The following PRKAR1B variants were observed in gnomAD, a reference collection of about 807,000 sequenced individuals.
PRKAR1B encodes the protein protein kinase cAMP-dependent type I regulatory subunit beta, also known as cAMP-dependent protein kinase type I-beta regulatory subunit.
In PRKAR1B, 22 loss-of-function variants were observed where a neutral mutation model predicts 46.5. That is an observed-to-expected ratio of 0.47 (90% CI 0.34 to 0.68). The LOEUF (loss-of-function observed/expected upper bound fraction) is 0.68, where lower values mean the gene tolerates loss of function less well. Among genes scored for constraint, PRKAR1B ranks in the 30% least tolerant of loss-of-function variants. PRKAR1B has a pLI of 0.01. For synonymous variants in PRKAR1B, 259 were observed against 217.7 expected (o/e 1.19, Z -1.67); for missense variants, 445 against 535.6 (o/e 0.83, Z 1.67).
chr7:552,516 G>C (rs1414950386), intron 9 of PRKAR1B, among the ~76,000 whole-genome samples: 1 of 150,658 alleles, frequency 6.6e-6, no homozygotes. Flanking sequence ...TCCTTCTCCA[G>C]AGCCACTGCC....
intron 7 of PRKAR1B, among the ~76,000 whole-genome samples, chr7:586,743 G>C (rs1034553233): frequency 6.6e-6 from 1 of 152,190 alleles, no homozygotes; most frequent in African/African-American, 2.4e-5. Flanking sequence ...GTAAGGATAG[G>C]CTAGGAAACC....
intron 4 of PRKAR1B, among the ~76,000 whole-genome samples, chr7:609,432 C>G (rs1276666639): frequency 6.6e-6 from 1 of 152,188 alleles, no homozygotes; most frequent in African/African-American, 2.4e-5. Context: ...GCCTCCACCA[C>G]TCTCTCCTGG....
chr7:583,445 ACT>A (rs1491229035), intron 8 of PRKAR1B, among the ~76,000 whole-genome samples: 2,307 of 60,400 alleles, frequency 0.038, 96 homozygotes, highest in African/African-American at 0.11. Context: ...CACAGTGCAC[ACT>A]CACACCCACT....
At chr7:574,042 G>A (rs1443804531) in intron 9 of PRKAR1B, among the ~76,000 whole-genome samples, 4 of 152,226 alleles carry the variant, frequency 2.6e-5, no homozygotes, top group Non-Finnish European at 4.4e-5. Flanking sequence ...CTGTTCAGGG[G>A]TGAGAACACC....
chr7:672,693 C>T (rs899127203), intron 4 of PRKAR1B, among the ~76,000 whole-genome samples: 12 of 151,628 alleles, frequency 7.9e-5, no homozygotes, highest in South Asian at 2.1e-4. Context: ...CATGGTGAAA[C>T]CCCATCTCTA....
chr7:709,043 G>A (rs1780476224), intron 2 of PRKAR1B, among the ~76,000 whole-genome samples: 1 of 138,696 alleles, frequency 7.2e-6, no homozygotes, highest in African/African-American at 2.7e-5. Context: ...CACCTGCCTC[G>A]GCCTCCTAAA....
At chr7:636,011 C>G (rs1583334600) in intron 4 of PRKAR1B, among the ~76,000 whole-genome samples, 1 of 77,222 alleles carries the variant, frequency 1.3e-5, no homozygotes. Context: ...CGGCCGCGCC[C>G]TCACGTCCTC....
At chr7:715,982 T>C (rs1780867655) in intron 1 of PRKAR1B, among the ~76,000 whole-genome samples, 1 of 152,134 alleles carries the variant, frequency 6.6e-6, no homozygotes, top group African/African-American at 2.4e-5. Context: ...CCCAAAGTGC[T>C]GGGATTACAG....
intron 8 of PRKAR1B, among the ~76,000 whole-genome samples, chr7:583,459 A>T (rs9770463): frequency 0.054 from 3,216 of 59,192 alleles, 147 homozygotes; most frequent in African/African-American, 0.11. Flanking sequence ...ACACCCACTC[A>T]CACACGTGCA....
intron 8 of PRKAR1B, among the ~76,000 whole-genome samples, chr7:583,145 C>A (rs1030060791): frequency 6.6e-6 from 1 of 152,170 alleles, no homozygotes; most frequent in Admixed American, 6.5e-5. Flanking sequence ...GTGCCGACAA[C>A]GTCGTGTGTA....
At chr7:724,195 A>G (rs557215701) in intron 1 of PRKAR1B, among the ~76,000 whole-genome samples, 2 of 151,920 alleles carry the variant, frequency 1.3e-5, no homozygotes, top group African/African-American at 4.8e-5. Flanking sequence ...TCTCTCTCCA[A>G]CACTCCCCGT....
intron 9 of PRKAR1B, among the ~76,000 whole-genome samples, chr7:574,087 G>A (rs1214301441): frequency 6.6e-6 from 1 of 152,202 alleles, no homozygotes; most frequent in East Asian, 1.9e-4. Flanking sequence ...CTGTGAAGAC[G>A]CACCCACGAT....
At chr7:555,262 G>A (rs954465796) in intron 9 of PRKAR1B, among the ~76,000 whole-genome samples, 1 of 152,200 alleles carries the variant, frequency 6.6e-6, no homozygotes, top group Non-Finnish European at 1.5e-5. Flanking sequence ...AAGCGGCAGG[G>A]ATGGGTCCGG....
intron 9 of PRKAR1B, chr7:565,633 T>C (rs998576839): frequency 2.0e-5 from 3 of 152,256 alleles, no homozygotes; most frequent in Non-Finnish European, 4.4e-5. Flanking sequence ...ATTTTTATCT[T>C]GCCTGAATTG....
chr7:653,816 A>C (rs1785037727), intron 4 of PRKAR1B, among the ~76,000 whole-genome samples: 1 of 152,122 alleles, frequency 6.6e-6, no homozygotes, highest in South Asian at 2.1e-4. Flanking sequence ...AGTGCTCATC[A>C]CCCTTATTAC....
At position 636,595 on chromosome 7, in the gene PRKAR1B, C is replaced by T. The variant is rs547766275; in HGVS notation, c.441-29143G>A. 1.9e-4 allele frequency among the ~76,000 whole-genome samples: 29 copies of T among 152,362 alleles called. 1 individual carries two copies. In the South Asian group the frequency reaches 4.6e-3, roughly 24 times the overall value. On this transcript the variant is annotated intron_variant, in intron 4 of 10. Transcript: ENST00000537384. ...GAATGGTCCTTTCTGACAGCCAATG[C>T]TCTGCCTCTCTCAACTGCTGGAACA...
chr7:551,188 TG>T (rs1194576920), intron 10 of PRKAR1B, among the ~76,000 whole-genome samples, 200 bp downstream of exon 10: 1 of 152,120 alleles, frequency 6.6e-6, no homozygotes, highest in Non-Finnish European at 1.5e-5. Context: ...TCGTTGCTCC[TG>T]GGGACCCAGA....
chr7:607,334 G>A, intron 5 of PRKAR1B, 57 bp downstream of exon 5: 3 of 1,503,516 alleles, frequency 2.0e-6, no homozygotes, highest in South Asian at 2.3e-5. Context: ...TTTTTTTTAA[G>A]TGCATAGTCC....
chr7:620,472 C>G (rs1273133575), intron 4 of PRKAR1B, among the ~76,000 whole-genome samples: 2 of 152,202 alleles, frequency 1.3e-5, no homozygotes, highest in African/African-American at 4.8e-5. Flanking sequence ...TTCTCATTCC[C>G]TGCACCCACC....
Sources: gnomAD v4.1 joint callset for allele counts (sites outside exome capture counted in the v4.1 genomes callset) on GRCh38, gnomAD v4.1.1 for gene constraint, MANE v1.5 for transcripts, NCBI Gene and HGNC (gene_info 2026-07-23, HGNC 2026-07-21) for gene names.